Variants in RABGAP1L observed in about 807,000 individuals in gnomAD.
RABGAP1L encodes RAB GTPase activating protein 1 like.
In RABGAP1L, 63 loss-of-function variants were observed where a neutral mutation model predicts 137.7. The ratio of observed to expected loss-of-function variants is 0.46; its 90% CI spans 0.37 to 0.56. The LOEUF (loss-of-function observed/expected upper bound fraction) is 0.56. Among genes scored for constraint, RABGAP1L ranks in the 20% least tolerant of loss-of-function variants. The probability of loss-of-function intolerance (pLI) is 0.00; values close to 1 mark genes in which losing one functional copy is unlikely to be tolerated. For missense variants in RABGAP1L, 1,095 were observed against 1,244.0 expected (o/e 0.88, Z 1.80); for synonymous variants, 431 against 433.7 (o/e 0.99, Z 0.08).
At chr1:174,738,314 A>T (rs541320390) in intron 17 of RABGAP1L, among the ~76,000 whole-genome samples, 1 of 152,328 alleles carries the variant, frequency 6.6e-6, no homozygotes, top group East Asian at 1.9e-4. Context: ...TTTTGCTGCG[A>T]TGAATTTCAG....
At chr1:174,780,623 G>A (rs1348947689) in intron 18 of RABGAP1L, among the ~76,000 whole-genome samples, 3 of 151,686 alleles carry the variant, frequency 2.0e-5, no homozygotes, top group African/African-American at 4.8e-5. Context: ...CAACGTGCAG[G>A]TTTGTTACAT....
intron 4 of RABGAP1L, among the ~76,000 whole-genome samples, chr1:174,232,810 T>C (rs1670793781): frequency 6.6e-6 from 1 of 152,016 alleles, no homozygotes; most frequent in African/African-American, 2.4e-5. Context: ...ACATTCGGCC[T>C]TTCCCTCAGT....
At chr1:174,620,048 T>C (rs1362659117) in intron 13 of RABGAP1L, among the ~76,000 whole-genome samples, 1 of 152,130 alleles carries the variant, frequency 6.6e-6, no homozygotes, top group African/African-American at 2.4e-5. Context: ...AAGAAGGCCA[T>C]TACATAATGG....
intron 13 of RABGAP1L, among the ~76,000 whole-genome samples, chr1:174,616,052 C>CT (rs1355553997): frequency 2.0e-5 from 3 of 152,242 alleles, no homozygotes; most frequent in Non-Finnish European, 4.4e-5. Flanking sequence ...ATGTCTTGCC[C>CT]TGCTTTGGCT....
chr1:174,622,261 G>T (rs1672562717), intron 13 of RABGAP1L, among the ~76,000 whole-genome samples: 1 of 152,204 alleles, frequency 6.6e-6, no homozygotes, highest in South Asian at 2.1e-4. Context: ...TGGTGGGACT[G>T]TAAACTAGTT....
At chr1:174,896,140 T>C (rs1027397406) in intron 19 of RABGAP1L, among the ~76,000 whole-genome samples, 2 of 152,358 alleles carry the variant, frequency 1.3e-5, no homozygotes, top group African/African-American at 4.8e-5. Flanking sequence ...CCATTCTAAC[T>C]GGTGTGAGAT....
chr1:174,391,823 G>A (rs527749579), intron 12 of RABGAP1L, among the ~76,000 whole-genome samples: 1 of 152,154 alleles, frequency 6.6e-6, no homozygotes, highest in African/African-American at 2.4e-5. Flanking sequence ...AGAATATTTT[G>A]CATTTAATTT....
chr1:174,222,111 C>T (rs938906199), intron 3 of RABGAP1L, among the ~76,000 whole-genome samples: 2 of 151,772 alleles, frequency 1.3e-5, no homozygotes, highest in Admixed American at 1.3e-4. Context: ...TTTACCAGTG[C>T]AAGCCATTGC....
At chr1:174,632,577 AG>A (rs1242839341) in intron 13 of RABGAP1L, among the ~76,000 whole-genome samples, 11 of 150,076 alleles carry the variant, frequency 7.3e-5, no homozygotes, top group African/African-American at 2.5e-4. Flanking sequence ...TATTTCTTGG[AG>A]GCTTTGCTCA....
intron 19 of RABGAP1L, among the ~76,000 whole-genome samples, chr1:174,865,743 G>T (rs1651094972): frequency 6.6e-6 from 1 of 152,036 alleles, no homozygotes; most frequent in Non-Finnish European, 1.5e-5. Flanking sequence ...AGTCTGGCCT[G>T]GGCAACATAG....
In RABGAP1L at chr1:174,844,378, A is replaced by G. The variant is rs879489914; in HGVS notation, c.2340+32418A>G. Among the ~76,000 whole-genome samples the G allele has an allele frequency of 7.8e-3, 702 of 89,584 alleles. 3 individuals are homozygous for G. The highest frequency in any genetic ancestry group is 0.01 in the Non-Finnish European group (442 of 42,630). The allele number at this position is 89,584 out of a possible 152,430, so 58.8% of individuals were successfully genotyped here. ...TTTAGGTCTAACGTTTAAATCTTTA[A>G]TCCATCTTGAATTGATTTTTGTATA... On this transcript the variant is annotated intron_variant, in intron 19 of 25. Transcript: ENST00000681986.
At position 174,219,180 on chromosome 1, in the gene RABGAP1L, A is replaced by C; in HGVS notation, c.23A>C (p.Gln8Pro). The C allele has an allele frequency of 6.2e-7, 1 of 1,605,022 alleles. No individual in the cohort carries two copies. Among genetic ancestry groups the C allele is most frequent in the Non-Finnish European group, 8.5e-7 (1 of 1,175,774 alleles). ...GAAATGGAGGTCAGAGCTTCATTAC[A>C]GAAGGTTAGTGGATCATCTGATTCT... MEVRASL[Q>P]KVSGSSDSVA... is the part of the protein sequence containing the mutation. The change falls in exon 2 of 26, where the codon CAG (glutamine) becomes CCG (proline). Residue 8 changes from glutamine (Q) to proline (P), a missense_variant. This residue lies in a region of RABGAP1L where 356 missense variants were observed against 326.3 expected (regional missense o/e 1.09). Transcript: ENST00000681986.
chr1:174,496,106 A>G (rs1660709833), intron 13 of RABGAP1L, among the ~76,000 whole-genome samples: 2 of 152,194 alleles, frequency 1.3e-5, no homozygotes, highest in Non-Finnish European at 2.9e-5. Context: ...CCTGAAACAA[A>G]TGAAGATTTT....
chr1:174,796,537 C>T (rs1688252867), intron 18 of RABGAP1L, among the ~76,000 whole-genome samples: 1 of 151,886 alleles, frequency 6.6e-6, no homozygotes. Context: ...GAAAAAAGGA[C>T]CAGGGCAGAA....
intron 18 of RABGAP1L, among the ~76,000 whole-genome samples, chr1:174,757,506 A>T (rs1573050587): frequency 6.7e-6 from 1 of 149,452 alleles, no homozygotes; most frequent in East Asian, 1.9e-4. Flanking sequence ...AATCAAAAGC[A>T]AGTTATAAAT....
At chr1:174,916,188 C>T (rs1013127165) in intron 19 of RABGAP1L, among the ~76,000 whole-genome samples, 1 of 151,630 alleles carries the variant, frequency 6.6e-6, no homozygotes, top group Non-Finnish European at 1.5e-5. Flanking sequence ...ATTCTTTCCC[C>T]TATTGAATTT....
chr1:174,649,810 C>T lies in RABGAP1L; in HGVS notation c.1824+12322C>T, dbSNP rs367803252. On this transcript the variant is annotated intron_variant, in intron 14 of 25. Coordinates refer to ENST00000681986, the MANE Select transcript of RABGAP1L (RefSeq NM_001366446.1). ...ACAATTTGACTTCCTCTTTTCCTAACTGAATACCCTTTATTTCCTTCTCCT... is the reference window on the plus strand; with the variant it reads ...ACAATTTGACTTCCTCTTTTCCTAATTGAATACCCTTTATTTCCTTCTCCT... 4.6e-4 allele frequency among the ~76,000 whole-genome samples: 70 copies of T among 152,202 alleles called. 2 individuals are homozygous for T. The South Asian group carries it at 0.013, about 29-fold the overall frequency.
At chr1:174,753,037 A>G (rs866078482) in intron 18 of RABGAP1L, among the ~76,000 whole-genome samples, 1 of 152,242 alleles carries the variant, frequency 6.6e-6, no homozygotes, top group East Asian at 1.9e-4. Context: ...TCAGTATAAC[A>G]TGGTGGTTAA....
chr1:174,702,264 G>A lies in RABGAP1L; in HGVS notation c.2169+8G>A. 2 of 1,584,100 alleles carry A rather than the reference G, an allele frequency of 1.3e-6. No homozygotes were observed. The highest frequency in any genetic ancestry group is 1.2e-5 in the South Asian group (1 of 85,406). Reference sequence around the variant, plus strand: ...GACTTACTGCTTTGTGAGGTAGAGTGACTCCCATCTTTCACTAAGCCAAAA... The same window carrying A: ...GACTTACTGCTTTGTGAGGTAGAGTAACTCCCATCTTTCACTAAGCCAAAA... On this transcript the variant is annotated splice_region_variant and intron_variant, in intron 17 of 25. Coordinates refer to ENST00000681986, the MANE Select transcript of RABGAP1L (RefSeq NM_001366446.1).
Sources: gnomAD v4.1 joint callset for allele counts (sites outside exome capture counted in the v4.1 genomes callset) on GRCh38, gnomAD v4.1.1 for gene constraint, gnomAD v4.1.1 regional missense constraint, MANE v1.5 for transcripts, NCBI Gene and HGNC (gene_info 2026-07-23, HGNC 2026-07-21) for gene names.